PBX3: variants seen among roughly 807,000 people sequenced by gnomAD.
PBX3 encodes the protein pre-B-cell leukemia transcription factor 3.
Under a neutral mutation model 48.5 loss-of-function variants are expected in PBX3, and 14 were observed. The observed-to-expected ratio is 0.29, with a 90% CI of 0.19 to 0.45. PBX3 has a LOEUF of 0.45. PBX3 is among the 20% of genes least tolerant of loss of function. The pLI is 1.00. For synonymous variants in PBX3, 210 were observed against 200.3 expected (o/e 1.05, Z -0.41); for missense variants, 386 against 546.7 (o/e 0.71, Z 2.93).
intron 2 of PBX3, among the ~76,000 whole-genome samples, chr9:125,876,191 G>T (rs1042985004): frequency 6.6e-6 from 1 of 151,920 alleles, no homozygotes. Context: ...CTTATTTTTT[G>T]TATCACTCAT....
chr9:125,811,185 G>A (rs1470721252), intron 2 of PBX3, among the ~76,000 whole-genome samples: 1 of 152,212 alleles, frequency 6.6e-6, no homozygotes, highest in East Asian at 1.9e-4. Context: ...AAATATGTAT[G>A]TTTTATGAAT....
chr9:125,957,470 G>A (rs879386403), intron 5 of PBX3, among the ~76,000 whole-genome samples: 10 of 152,234 alleles, frequency 6.6e-5, no homozygotes, highest in Non-Finnish European at 1.5e-4. Context: ...AAATTTTACT[G>A]TGAGAATTAA....
At chr9:125,916,546 C>T (rs1480653946) in intron 3 of PBX3, among the ~76,000 whole-genome samples, 1 of 152,110 alleles carries the variant, frequency 6.6e-6, no homozygotes, top group African/African-American at 2.4e-5. Context: ...TGGTTCTCAG[C>T]AATTATATTA....
chr9:125,786,409 TATC>T (rs1307050727), intron 2 of PBX3, among the ~76,000 whole-genome samples: 1 of 152,196 alleles, frequency 6.6e-6, no homozygotes, highest in Non-Finnish European at 1.5e-5. Flanking sequence ...AAGGTGTTCT[TATC>T]ATAAGTTATT....
At chr9:125,905,393 T>A (rs1329350298) in intron 2 of PBX3, among the ~76,000 whole-genome samples, 2 of 152,038 alleles carry the variant, frequency 1.3e-5, no homozygotes, top group Non-Finnish European at 2.9e-5. Flanking sequence ...ATTTAATTGC[T>A]GTTATTTTCA....
At chr9:125,827,796 C>T (rs1478657575) in intron 2 of PBX3, among the ~76,000 whole-genome samples, 1 of 152,080 alleles carries the variant, frequency 6.6e-6, no homozygotes, top group Non-Finnish European at 1.5e-5. Flanking sequence ...TATTTTTGTC[C>T]ATATGCAAGA....
At chr9:125,791,475 G>T (rs1837607983) in intron 2 of PBX3, among the ~76,000 whole-genome samples, 1 of 152,018 alleles carries the variant, frequency 6.6e-6, no homozygotes, top group Non-Finnish European at 1.5e-5. Flanking sequence ...ATCATGGGGG[G>T]AGATTTCCCT....
At chr9:125,911,743 T>C (rs1841207939) in intron 2 of PBX3, among the ~76,000 whole-genome samples, 1 of 152,084 alleles carries the variant, frequency 6.6e-6, no homozygotes, top group African/African-American at 2.4e-5. Flanking sequence ...GGCCTAAATT[T>C]ATGGTATGCT....
intron 5 of PBX3, among the ~76,000 whole-genome samples, chr9:125,956,743 A>G (rs968457081): frequency 6.6e-6 from 1 of 152,228 alleles, no homozygotes; most frequent in South Asian, 2.1e-4. Flanking sequence ...AGAGTCATGA[A>G]TCCTTGATAT....
At position 125,768,957 on chromosome 9, in the gene PBX3, C is replaced by A. The variant is rs190273611; in HGVS notation, c.274+20334C>A. 1.2e-3 allele frequency among the ~76,000 whole-genome samples: 180 copies of A among 152,234 alleles called. 6 individuals carry two copies. Among genetic ancestry groups the A allele is most frequent in the Admixed American group, 0.011 (166 of 15,280 alleles). Reference sequence around the variant, plus strand: ...GGTCTGCCAAAATAAGCTGAAATAACCATAATTTGTTAATTTTTTTTTAAG... The same window carrying A: ...GGTCTGCCAAAATAAGCTGAAATAAACATAATTTGTTAATTTTTTTTTAAG... On this transcript the variant is annotated intron_variant, in intron 2 of 8. Coordinates refer to ENST00000373489, the MANE Select transcript of PBX3 (RefSeq NM_006195.6).
intron 2 of PBX3, among the ~76,000 whole-genome samples, chr9:125,870,494 AC>A (rs57332457): frequency 6.6e-6 from 1 of 152,108 alleles, no homozygotes; most frequent in Admixed American, 6.5e-5. Context: ...AAACAAACAA[AC>A]AAAAAAACCC....
In PBX3 at chr9:125,759,814, A is replaced by G. The variant is rs1209493586; in HGVS notation, c.274+11191A>G. Among the ~76,000 whole-genome samples, 1 of 152,244 alleles carries G rather than the reference A, an allele frequency of 6.6e-6. No individual in the cohort carries two copies. The highest frequency in any genetic ancestry group is 1.5e-5 in the Non-Finnish European group (1 of 68,040). On this transcript the variant is annotated intron_variant, in intron 2 of 8. Coordinates refer to ENST00000373489, the MANE Select transcript of PBX3 (RefSeq NM_006195.6). The surrounding 1 kb of genome is among the most constrained non-coding windows in gnomAD (Gnocchi z 4.2). The stretch of plus-strand genomic sequence containing the variant: ...AATATTTTAGCAGGTTAATTGCAAA[A>G]TTTCTAAATTGTACATCTGACTTGT...
intron 2 of PBX3, among the ~76,000 whole-genome samples, chr9:125,791,225 G>GTA (rs1265749170): frequency 6.6e-6 from 1 of 151,922 alleles, no homozygotes; most frequent in Non-Finnish European, 1.5e-5. Flanking sequence ...CACCCTAATT[G>GTA]TATATTAATA....
Position 125,899,502 on chromosome 9 carries a change from A to G in PBX3, c.275-16184A>G, listed in dbSNP as rs1840890334. Among the ~76,000 whole-genome samples the G allele has an allele frequency of 1.4e-5, 2 of 145,102 alleles. 1 individual carries two copies. The highest frequency in any genetic ancestry group is 3.0e-5 in the Non-Finnish European group (2 of 66,148). ...AGAGAGAGAGAGCTCACCCACAGGC[A>G]GGGGAGGTTATTGTCAGAGGGTAGG... On this transcript the variant is annotated intron_variant, in intron 2 of 8. Transcript: ENST00000373489.
chr9:125,846,848 T>G (rs1194404366), intron 2 of PBX3, among the ~76,000 whole-genome samples: 2 of 152,028 alleles, frequency 1.3e-5, no homozygotes, highest in Non-Finnish European at 2.9e-5. Flanking sequence ...GTCTACTCAT[T>G]GCAGTTGGTT....
At chr9:125,802,900 A>G (rs1417508412) in intron 2 of PBX3, among the ~76,000 whole-genome samples, 1 of 152,080 alleles carries the variant, frequency 6.6e-6, no homozygotes, top group Non-Finnish European at 1.5e-5. Context: ...ACTGGTCTCG[A>G]ACTCCTGACC....
At chr9:125,749,959 C>T (rs1343778994) in intron 2 of PBX3, among the ~76,000 whole-genome samples, 1 of 152,148 alleles carries the variant, frequency 6.6e-6, no homozygotes, top group Non-Finnish European at 1.5e-5. Context: ...GCTCAGTGAT[C>T]CTTTCTTGAA....
intron 2 of PBX3, chr9:125,844,918 T>C (rs141142578): frequency 1.3e-5 from 2 of 152,182 alleles, no homozygotes; most frequent in Non-Finnish European, 2.9e-5. Flanking sequence ...CAGCACCATT[T>C]CTCTCTGACT....
chr9:125,858,199 A>T (rs1564142334), intron 2 of PBX3, among the ~76,000 whole-genome samples: 1 of 152,210 alleles, frequency 6.6e-6, no homozygotes, highest in African/African-American at 2.4e-5. Flanking sequence ...CCCCATCACT[A>T]GAAAAAAATT....
Sources: gnomAD v4.1 joint callset for allele counts (sites outside exome capture counted in the v4.1 genomes callset) on GRCh38, gnomAD v4.1.1 for gene constraint, Gnocchi (gnomAD v3.1) non-coding constraint, MANE v1.5 for transcripts, NCBI Gene and HGNC (gene_info 2026-07-23, HGNC 2026-07-21) for gene names.